DNAAF9: variants seen among roughly 807,000 people sequenced by gnomAD.
DNAAF9 encodes shulin.
Under a neutral mutation model 167.0 loss-of-function variants are expected in DNAAF9, and 90 were observed. That is an observed-to-expected ratio of 0.54 (90% confidence interval 0.45 to 0.64). The LOEUF (loss-of-function observed/expected upper bound fraction) is 0.64, where lower values mean the gene tolerates loss of function less well. Ranked by LOEUF, DNAAF9 falls within the 30% of genes least tolerant of loss-of-function variation. DNAAF9 has a pLI of 0.00. For missense variants in DNAAF9, 1,315 were observed against 1,442.2 expected (o/e 0.91, Z 1.43); for synonymous variants, 491 against 508.8 (o/e 0.96, Z 0.47).
intron 6 of DNAAF9, among the ~76,000 whole-genome samples, chr20:3,367,489 C>T (rs956263447): frequency 6.6e-6 from 1 of 152,210 alleles, no homozygotes. Context: ...CCAAGCTTAA[C>T]CATTTCCAGC....
In DNAAF9 at chr20:3,375,977, C is replaced by G. The variant is rs565754095; in HGVS notation, c.408+201G>C. Among the ~76,000 whole-genome samples the G allele has an allele frequency of 3.9e-5, 6 of 152,322 alleles. No homozygotes were observed. In the South Asian group the frequency reaches 1.2e-3, roughly 32 times the overall value. ...TACCACTAGGTCCCAATTTGAACAG[C>G]CTCCTTTTGTCTCCACAGGCATACA... On this transcript the variant is annotated intron_variant, in intron 4 of 36. Coordinates refer to ENST00000252032, the MANE Select transcript of DNAAF9 (RefSeq NM_001009984.3).
chr20:3,406,641 G>T (rs1346635294), intron 1 of DNAAF9, among the ~76,000 whole-genome samples: 2 of 152,184 alleles, frequency 1.3e-5, no homozygotes, highest in African/African-American at 4.8e-5. Flanking sequence ...ATCTAAAGGG[G>T]GCGGGGAACG....
intron 23 of DNAAF9, chr20:3,296,560 A>G: frequency 2.9e-6 from 1 of 349,284 alleles, no homozygotes. Context: ...TATTTTTTGT[A>G]GGGACGGGGT....
chr20:3,406,829 T>C (rs1362756290), intron 1 of DNAAF9, among the ~76,000 whole-genome samples: 1 of 150,936 alleles, frequency 6.6e-6, no homozygotes, highest in African/African-American at 2.4e-5. Flanking sequence ...TATTGTGGAG[T>C]GAGGGGGCGT....
chr20:3,303,745 T>C (rs1487780852), intron 21 of DNAAF9, among the ~76,000 whole-genome samples: 1 of 152,240 alleles, frequency 6.6e-6, no homozygotes, highest in Non-Finnish European at 1.5e-5. Flanking sequence ...GGCAGAGTGG[T>C]GGGCCTGCCC....
At chr20:3,383,580 C>A (rs1305546449) in intron 1 of DNAAF9, among the ~76,000 whole-genome samples, 3 of 152,012 alleles carry the variant, frequency 2.0e-5, no homozygotes, top group Non-Finnish European at 4.4e-5. Flanking sequence ...TTAATACTTT[C>A]TCTACAGTCA....
chr20:3,338,154 T>C (rs2070002692), intron 10 of DNAAF9, among the ~76,000 whole-genome samples: 2 of 151,782 alleles, frequency 1.3e-5, no homozygotes, highest in South Asian at 4.2e-4. Context: ...ACAGATCTGC[T>C]AGTGATAAAT....
intron 1 of DNAAF9, among the ~76,000 whole-genome samples, chr20:3,402,982 A>AT (rs1426816060): frequency 1.4e-4 from 22 of 152,092 alleles, no homozygotes; most frequent in Admixed American, 8.5e-4. Flanking sequence ...GAATGTATTT[A>AT]TTTTTTTATC....
intron 29 of DNAAF9, among the ~76,000 whole-genome samples, chr20:3,275,369 C>T (rs938952535): frequency 2.0e-5 from 3 of 152,190 alleles, no homozygotes; most frequent in African/African-American, 7.2e-5. Flanking sequence ...CAGACTAGTG[C>T]AAATGTGGCC....
chr20:3,261,633 T>C (rs968288782), intron 31 of DNAAF9, among the ~76,000 whole-genome samples: 3 of 152,068 alleles, frequency 2.0e-5, no homozygotes, highest in Non-Finnish European at 2.9e-5. Flanking sequence ...CCCAAAGTGC[T>C]GGGATTACAG....
chr20:3,376,528 G>A (rs2083577564), intron 3 of DNAAF9, among the ~76,000 whole-genome samples: 1 of 152,230 alleles, frequency 6.6e-6, no homozygotes, highest in Non-Finnish European at 1.5e-5. Context: ...GGACATGCCT[G>A]TGACATACCC....
At chr20:3,270,589 G>C (rs1162863703) in intron 29 of DNAAF9, 27 bp from the exon 30 acceptor site, 3 of 1,609,594 alleles carry the variant, frequency 1.9e-6, no homozygotes, top group African/African-American at 2.7e-5. Flanking sequence ...GGACAGTTTA[G>C]CCTTCACAGT....
chr20:3,295,485 T>TC lies in DNAAF9; in HGVS notation c.2019-857_2019-856insG, dbSNP rs375857892. On this transcript the variant is annotated intron_variant, in intron 23 of 36. Transcript: ENST00000252032. ...TGAACCACTGCGCCTGACCTTTTTT[T>TC]TTTTTTTTAAAGAAGCCCAAACACA... 453 of 302,190 alleles carry TC rather than the reference T, an allele frequency of 1.5e-3. 2 individuals carry two copies. Among genetic ancestry groups the TC allele is most frequent in the African/African-American group, 9.3e-3 (424 of 45,700 alleles). 18.7% of individuals were successfully genotyped at this position (302,190 alleles called of 1,614,324 possible).
At chr20:3,322,338 C>A (rs1323977663) in intron 15 of DNAAF9, 76 bp from the exon 16 acceptor site, 10 of 1,160,328 alleles carry the variant, frequency 8.6e-6, no homozygotes, top group Admixed American at 1.9e-5. Context: ...TTGCTTTTTT[C>A]AACTTGGCAA....
At chr20:3,268,897 CTTT>C (rs386393120) in intron 30 of DNAAF9, among the ~76,000 whole-genome samples, 14,604 of 84,910 alleles carry the variant, frequency 0.17, 803 homozygotes, top group Non-Finnish European at 0.19. Context: ...CTCTATGTTA[CTTT>C]TTTTTTTTTT....
intron 16 of DNAAF9, 69 bp from the exon 17 acceptor site, chr20:3,318,469 A>G: frequency 1.3e-6 from 1 of 781,032 alleles, no homozygotes; most frequent in South Asian, 1.4e-5. Flanking sequence ...CATAAGAATG[A>G]GACCACAAAT....
chr20:3,299,762 CTG>C (rs2069150792), intron 21 of DNAAF9, among the ~76,000 whole-genome samples: 1 of 152,226 alleles, frequency 6.6e-6, no homozygotes, highest in African/African-American at 2.4e-5. Context: ...CAGCAGCAAA[CTG>C]TTAGGTCACT....
intron 29 of DNAAF9, among the ~76,000 whole-genome samples, chr20:3,272,472 A>G (rs1163037906): frequency 1.3e-5 from 2 of 151,920 alleles, no homozygotes; most frequent in Non-Finnish European, 2.9e-5. Flanking sequence ...AGTGATCCTC[A>G]TGCCTTGGCC....
chr20:3,338,628 T>C (rs1157448742), intron 10 of DNAAF9, among the ~76,000 whole-genome samples: 2 of 151,442 alleles, frequency 1.3e-5, no homozygotes, highest in Non-Finnish European at 2.9e-5. Flanking sequence ...CTTTTGAAAT[T>C]GTCCCAGGGT....
Sources: allele counts gnomAD v4.1 joint callset (sites outside exome capture counted in the v4.1 genomes callset), GRCh38; gene constraint gnomAD v4.1.1; transcripts MANE v1.5; gene names NCBI Gene and HGNC (gene_info 2026-07-23, HGNC 2026-07-21).